GNAO1: variants seen among roughly 807,000 people sequenced by gnomAD.
The protein encoded by GNAO1 is guanine nucleotide-binding protein G(o) subunit alpha.
For missense variants in GNAO1, 166 were observed against 478.7 expected, an observed-to-expected ratio of 0.35 and a Z score of 6.10; for synonymous variants, 164 against 180.7, an observed-to-expected ratio of 0.91 and a Z score of 0.74.
At chr16:56,292,040 C>T (rs1040018170) in intron 3 of GNAO1, among the ~76,000 whole-genome samples, 6 of 152,224 alleles carry the variant, frequency 3.9e-5, no homozygotes, top group African/African-American at 1.2e-4. Flanking sequence ...GCCTTCGGGA[C>T]TTACACTCTT....
chr16:56,221,727 G>A (rs2036491175), intron 2 of GNAO1, among the ~76,000 whole-genome samples: 1 of 151,448 alleles, frequency 6.6e-6, no homozygotes, highest in South Asian at 2.1e-4. Context: ...CTTGAGAACA[G>A]TTGTTAATTC....
At chr16:56,192,379 T>TAC in intron 1 of GNAO1, 26 bp downstream of exon 1, 2 of 1,115,900 alleles carry the variant, frequency 1.8e-6, no homozygotes, top group Non-Finnish European at 2.5e-6. Context: ...GCTACCCCCA[T>TAC]CCCCCGACCC....
At chr16:56,243,732 T>G (rs1233747659) in intron 2 of GNAO1, among the ~76,000 whole-genome samples, 2 of 152,200 alleles carry the variant, frequency 1.3e-5, no homozygotes, top group Non-Finnish European at 2.9e-5. Flanking sequence ...TAGTGATGGT[T>G]GTACATATCT....
intron 2 of GNAO1, among the ~76,000 whole-genome samples, chr16:56,249,246 G>C (rs937704546): frequency 4.6e-5 from 7 of 152,304 alleles, no homozygotes; most frequent in African/African-American, 1.4e-4. Flanking sequence ...CATGGAATGG[G>C]GGGGAACAAG....
intron 3 of GNAO1, among the ~76,000 whole-genome samples, chr16:56,285,833 A>T (rs1045484243): frequency 6.6e-6 from 1 of 152,210 alleles, no homozygotes; most frequent in Admixed American, 6.5e-5. Context: ...TGTGCTGAGC[A>T]CTGTAGCTTT....
intron 6 of GNAO1, among the ~76,000 whole-genome samples, chr16:56,337,906 T>C (rs2037758784): frequency 6.6e-6 from 1 of 152,162 alleles, no homozygotes; most frequent in African/African-American, 2.4e-5. Flanking sequence ...CAGCCTGGCG[T>C]CTGTCATCTC....
At chr16:56,315,607 C>T (rs1228444918) in intron 3 of GNAO1, among the ~76,000 whole-genome samples, 2 of 152,100 alleles carry the variant, frequency 1.3e-5, no homozygotes, top group African/African-American at 4.8e-5. Flanking sequence ...GACAAAGAGG[C>T]ACCACGTAAG....
chr16:56,327,831 T>G (rs2037651233), intron 3 of GNAO1, among the ~76,000 whole-genome samples: 1 of 152,142 alleles, frequency 6.6e-6, no homozygotes, highest in African/African-American at 2.4e-5. Flanking sequence ...AGGAGAGTGC[T>G]CCAAGCTCAT....
chr16:56,347,776 C>G, intron 6 of GNAO1: 5 of 885,708 alleles, frequency 5.6e-6, no homozygotes, highest in Non-Finnish European at 6.7e-6. Context: ...CCCCTCCCCT[C>G]CCTTTCCCTC....
intron 3 of GNAO1, chr16:56,300,577 G>A (rs1274154387): frequency 1.4e-4 from 21 of 152,308 alleles, no homozygotes; most frequent in African/African-American, 5.1e-4. Context: ...GAGAGCGAGT[G>A]ACAGAGTCCA....
At chr16:56,211,198 A>T (rs187954867) in intron 2 of GNAO1, among the ~76,000 whole-genome samples, 1 of 152,232 alleles carries the variant, frequency 6.6e-6, no homozygotes, top group African/African-American at 2.4e-5. Flanking sequence ...AATGCTTAAT[A>T]TGCAGATCAG....
intron 2 of GNAO1, among the ~76,000 whole-genome samples, chr16:56,221,945 C>T (rs2036493130): frequency 6.6e-6 from 1 of 152,130 alleles, no homozygotes; most frequent in Non-Finnish European, 1.5e-5. Context: ...ATGTAGCCAT[C>T]CAACCCCAGT....
intron 2 of GNAO1, among the ~76,000 whole-genome samples, chr16:56,197,780 C>T (rs77591685): frequency 0.013 from 1,988 of 152,306 alleles, 43 homozygotes; most frequent in African/African-American, 0.043. Context: ...TCACATGCCA[C>T]ATCTGCTAAA....
rs1429276744 is a variant in GNAO1, at chr16:56,256,714, CTCTCTGTGTGTGTG to C, written c.162-19215_162-19202del. Reference sequence around the variant, plus strand: ...TCTCTCTCTCTCTCTCTCTCTCTCTCTCTCTGTGTGTGTGTGTGTGTGTGTGTGTGTGTGTGTGT... The same window carrying C: ...TCTCTCTCTCTCTCTCTCTCTCTCTCTGTGTGTGTGTGTGTGTGTGTGTGT... On this transcript the variant is annotated intron_variant, in intron 2 of 8. Transcript: ENST00000262493. Among the ~76,000 whole-genome samples, 629 of 123,460 alleles carry C rather than the reference CTCTCTGTGTGTGTG, an allele frequency of 5.1e-3. 4 individuals carry two copies. The highest frequency in any genetic ancestry group is 0.022 in the Middle Eastern group (6 of 268). The allele number at this position is 123,460 out of a possible 152,430, so 81.0% of individuals were successfully genotyped here.
In GNAO1 at chr16:56,297,106, G is replaced by A. The variant is rs759057178; in HGVS notation, c.303+21034G>A. 5.4e-4 allele frequency among the ~76,000 whole-genome samples: 82 copies of A among 152,300 alleles called. No individual in the cohort carries two copies. The Middle Eastern group carries it at 0.02, about 38-fold the overall frequency. On this transcript the variant is annotated intron_variant, in intron 3 of 8. Coordinates refer to ENST00000262493, the MANE Select transcript of GNAO1 (RefSeq NM_020988.3). Reference sequence around the variant, plus strand: ...TAGCCATCAGCTAACTGAGAAAACCGCCCTTTGGGAGTAGGACACGGGATT... The same window carrying A: ...TAGCCATCAGCTAACTGAGAAAACCACCCTTTGGGAGTAGGACACGGGATT...
At chr16:56,343,133 G>A (rs4783937) in intron 6 of GNAO1, among the ~76,000 whole-genome samples, 64,198 of 151,060 alleles carry the variant, frequency 0.42, 14,995 homozygotes, top group African/African-American at 0.63. Flanking sequence ...AAAACAAAAA[G>A]AGGAGTCCAT....
intron 2 of GNAO1, among the ~76,000 whole-genome samples, chr16:56,232,021 C>T (rs2036592972): frequency 6.6e-6 from 1 of 152,144 alleles, no homozygotes; most frequent in African/African-American, 2.4e-5. Flanking sequence ...CTGATCCATT[C>T]CCATTTATTG....
At chr16:56,305,802 C>T (rs2037389429) in intron 3 of GNAO1, among the ~76,000 whole-genome samples, 1 of 152,176 alleles carries the variant, frequency 6.6e-6, no homozygotes, top group Non-Finnish European at 1.5e-5. Context: ...GGCCTCTGCT[C>T]CTTGGCTTGT....
At chr16:56,287,185 G>A (rs2037180845) in intron 3 of GNAO1, among the ~76,000 whole-genome samples, 1 of 152,242 alleles carries the variant, frequency 6.6e-6, no homozygotes, top group Admixed American at 6.5e-5. Context: ...CCAGGGAAGA[G>A]TGGGAGGTGA....
Sources: allele counts gnomAD v4.1 joint callset (sites outside exome capture counted in the v4.1 genomes callset), GRCh38; gene constraint gnomAD v4.1.1; transcripts MANE v1.5; gene names NCBI Gene and HGNC (gene_info 2026-07-23, HGNC 2026-07-21).